AGXT2: variants seen among roughly 807,000 people sequenced by gnomAD.
AGXT2 encodes alanine--glyoxylate aminotransferase 2, mitochondrial.
In AGXT2, 61 loss-of-function variants were observed where a neutral mutation model predicts 62.5. The observed-to-expected ratio is 0.98, with a 90% CI of 0.79 to 1.21. The LOEUF is 1.21. AGXT2 is among the 50% of genes most tolerant of loss of function. The pLI, the probability that AGXT2 is intolerant of heterozygous loss-of-function variation, is 0.00. For missense variants in AGXT2, 666 were observed against 641.5 expected (o/e 1.04, Z -0.41); for synonymous variants, 243 against 218.7 (o/e 1.11, Z -0.98).
rs761563619 is a variant in AGXT2 at position 35,010,110 on chromosome 5, C to T, written c.1228G>A (p.Val410Ile). ...EENLQENSQE[V>I]GTYMLLKFAK... ...AACTTTAGTAACATGTAGGTCCCAA[C>T]TTCTTGACTGTTTTCCTGTAGATTT... is the stretch of plus-strand genomic sequence containing the variant. Residue 410 changes from valine to isoleucine, a missense_variant, in exon 12 of 14, where the codon GTT becomes ATT. Physicochemically the swap from Val to Ile is conservative, Grantham distance 29. Coordinates refer to ENST00000231420, the MANE Select transcript of AGXT2 (RefSeq NM_031900.4). 1.6e-5 allele frequency: 26 copies of T among 1,614,102 alleles called. No individual in the cohort carries two copies. The highest frequency in any genetic ancestry group is 2.2e-5 in the Non-Finnish European group (26 of 1,180,036).
chr5:35,026,722 G>C (rs188935958), intron 7 of AGXT2, among the ~76,000 whole-genome samples: 2 of 152,204 alleles, frequency 1.3e-5, no homozygotes, highest in East Asian at 3.9e-4. Context: ...GTTCAAGGAG[G>C]GAGATTAAGA....
chr5:35,003,870 A>G lies in AGXT2; in HGVS notation c.1339-9T>C. On this transcript the variant is annotated splice_polypyrimidine_tract_variant and intron_variant, in intron 12 of 13. Coordinates refer to ENST00000231420, the MANE Select transcript of AGXT2 (RefSeq NM_031900.4). Reference sequence around the variant, plus strand: ...AGAGGCCGACAGCTTATCTGTAAATATATTTTTAAAATTCTTTCTATTTGG... The same window carrying G: ...AGAGGCCGACAGCTTATCTGTAAATGTATTTTTAAAATTCTTTCTATTTGG... 1 of 1,612,128 alleles carries G rather than the reference A, an allele frequency of 6.2e-7. No individual in the cohort carries two copies. The highest frequency in any genetic ancestry group is 8.5e-7 in the Non-Finnish European group (1 of 1,178,322).
chr5:35,047,780 C>G (rs763773866), intron 1 of AGXT2, 25 bp downstream of exon 1: 6 of 1,613,330 alleles, frequency 3.7e-6, no homozygotes, highest in Non-Finnish European at 5.1e-6. Flanking sequence ...CTCTACTGAC[C>G]CACGTCCCCC....
At chr5:35,023,273 G>A (rs1214907650) in intron 9 of AGXT2, among the ~76,000 whole-genome samples, 4 of 151,976 alleles carry the variant, frequency 2.6e-5, no homozygotes, top group African/African-American at 9.7e-5. Flanking sequence ...GGACTAATAC[G>A]TGGGAACAGC....
intron 4 of AGXT2, 88 bp from the exon 5 acceptor site, chr5:35,035,404 C>T: frequency 9.1e-7 from 1 of 1,100,420 alleles, no homozygotes; most frequent in South Asian, 1.2e-5. Context: ...GTGTCCAGCC[C>T]CTGAGTATTA....
chr5:35,038,583 T>G (rs1767866204), intron 3 of AGXT2, among the ~76,000 whole-genome samples: 1 of 152,178 alleles, frequency 6.6e-6, no homozygotes, highest in African/African-American at 2.4e-5. Flanking sequence ...TCCTGACAGC[T>G]GCCTGAGGGG....
intron 7 of AGXT2, among the ~76,000 whole-genome samples, chr5:35,029,380 T>C (rs1431147993): frequency 6.6e-6 from 1 of 152,224 alleles, no homozygotes. Context: ...CAAAAGGTTT[T>C]GCCTGAACCT....
chr5:35,030,988 A>G (rs1580601164), intron 7 of AGXT2, among the ~76,000 whole-genome samples: 3 of 152,226 alleles, frequency 2.0e-5, no homozygotes, highest in African/African-American at 7.2e-5. Context: ...CTGTTTTACA[A>G]ATGAGAAAAC....
chr5:35,001,306 T>G (rs529993935), intron 13 of AGXT2, among the ~76,000 whole-genome samples: 1 of 152,290 alleles, frequency 6.6e-6, no homozygotes, highest in African/African-American at 2.4e-5. Flanking sequence ...CTCTGGTTCT[T>G]CATATCCACA....
intron 9 of AGXT2, among the ~76,000 whole-genome samples, chr5:35,018,571 A>C: frequency 2.0e-5 from 3 of 152,076 alleles, no homozygotes; most frequent in African/African-American, 7.3e-5. Flanking sequence ...CTCCTGAAGG[A>C]AGCACTAAAC....
At chr5:35,013,947 C>G in intron 10 of AGXT2, 40 bp downstream of exon 10, 1 of 1,613,542 alleles carries the variant, frequency 6.2e-7, no homozygotes. Flanking sequence ...GCCCAATGTA[C>G]GAGGCCCAGA....
chr5:35,028,605 GAGAGAGAGAGAGAGAAA>G (rs879372228), intron 7 of AGXT2, among the ~76,000 whole-genome samples: 2,353 of 75,478 alleles, frequency 0.031, 126 homozygotes, highest in African/African-American at 0.068. Context: ...GAGAGAGAGA[GAGAGAGAGAGAGAGAAA>G]TTCTTCTACT....
chr5:35,030,984 T>C (rs1303517759), intron 7 of AGXT2, among the ~76,000 whole-genome samples: 6 of 152,242 alleles, frequency 3.9e-5, no homozygotes, highest in Non-Finnish European at 8.8e-5. Context: ...GTCTCTGTTT[T>C]ACAAATGAGA....
chr5:35,023,272 C>T (rs1426691445), intron 9 of AGXT2, among the ~76,000 whole-genome samples: 3 of 151,736 alleles, frequency 2.0e-5, no homozygotes, highest in African/African-American at 7.3e-5. Context: ...AGGACTAATA[C>T]GTGGGAACAG....
chr5:35,047,038 G>A (rs530069329), intron 1 of AGXT2, among the ~76,000 whole-genome samples: 97 of 152,312 alleles, frequency 6.4e-4, no homozygotes, highest in African/African-American at 2.2e-3. Context: ...GTCAAGCCCT[G>A]GCTTGGATGA....
rs781328986 is a variant in AGXT2 at position 35,033,557 on chromosome 5, C to A, written c.582-4G>T. On this transcript the variant is annotated splice_region_variant and splice_polypyrimidine_tract_variant and intron_variant, in intron 5 of 13. Coordinates refer to ENST00000231420, the MANE Select transcript of AGXT2 (RefSeq NM_031900.4). ...ACTGCATCCATGGTAGGCTCCTCTG[C>A]AGAGAAGAAACAACAGGAGGATGGG... is the stretch of plus-strand genomic sequence containing the variant. 6.2e-7 allele frequency: 1 copy of A among 1,612,212 alleles called. No homozygotes were observed. The highest frequency in any genetic ancestry group is 1.1e-5 in the South Asian group (1 of 91,054).
rs890643647 is a variant in AGXT2 at position 35,025,668 on chromosome 5, G to T, written c.963+95C>A. ...AAACTTTGGAATTCACAGAGCAGAGGCTTTCTGCCTGGAACACAGAGGAAG... is the reference window on the plus strand; with the variant it reads ...AAACTTTGGAATTCACAGAGCAGAGTCTTTCTGCCTGGAACACAGAGGAAG... On this transcript the variant is annotated intron_variant, in intron 9 of 13. Coordinates refer to ENST00000231420, the MANE Select transcript of AGXT2 (RefSeq NM_031900.4). 1.6e-5 allele frequency: 21 copies of T among 1,327,708 alleles called. No homozygotes were observed. In the African/African-American group the frequency reaches 2.3e-4, roughly 15 times the overall value. The allele number at this position is 1,327,708 out of a possible 1,614,324, so 82.2% of individuals were successfully genotyped here. A position where few individuals can be genotyped will look rare whatever the true frequency, so the allele number is the denominator to read the frequency against.
At chr5:35,020,340 A>C (rs958147102) in intron 9 of AGXT2, among the ~76,000 whole-genome samples, 257 of 152,258 alleles carry the variant, frequency 1.7e-3, no homozygotes, top group African/African-American at 6.0e-3. Context: ...TACTGGCAAA[A>C]CGAATCCAGC....
rs547339412 is a variant in AGXT2, at chr5:35,034,679, G to A, written c.581+543C>T. On this transcript the variant is annotated intron_variant, in intron 5 of 13. Transcript: ENST00000231420. Reference sequence around the variant, plus strand: ...ATGTAGCCATTAAGGGTTTATTAATGAATCTATTATCAGTGCTCAAAAGTC... The same window carrying A: ...ATGTAGCCATTAAGGGTTTATTAATAAATCTATTATCAGTGCTCAAAAGTC... Among the ~76,000 whole-genome samples, 4 of 152,254 alleles carry A rather than the reference G, an allele frequency of 2.6e-5. No homozygotes were observed. The South Asian group carries it at 8.3e-4, about 32-fold the overall frequency.
Sources: gnomAD v4.1 joint callset for allele counts (sites outside exome capture counted in the v4.1 genomes callset) on GRCh38, gnomAD v4.1.1 for gene constraint, MANE v1.5 for transcripts, NCBI Gene and HGNC (gene_info 2026-07-23, HGNC 2026-07-21) for gene names.